Variants in COL12A1 observed in about 807,000 individuals in gnomAD.
COL12A1 encodes the protein collagen alpha-1(XII) chain.
In COL12A1, 114 loss-of-function variants were observed where a neutral mutation model predicts 349.7. That is an observed-to-expected ratio of 0.33 (90% CI 0.28 to 0.38). COL12A1 has a LOEUF of 0.38. COL12A1 is among the 10% of genes least tolerant of loss of function. COL12A1 has a pLI of 1.00. For missense variants in COL12A1, 3,284 were observed against 3,756.9 expected (o/e 0.87, Z 3.29); for synonymous variants, 1,369 against 1,329.0 (o/e 1.03, Z -0.66).
chr6:75,154,376 C>G, intron 17 of COL12A1, 40 bp downstream of exon 17: 2 of 1,596,494 alleles, frequency 1.3e-6, no homozygotes, highest in Middle Eastern at 1.7e-4. Flanking sequence ...AAATAGTTTC[C>G]TAAGTTGTTT....
chr6:75,114,608 T>C (rs1028273359), intron 49 of COL12A1, among the ~76,000 whole-genome samples: 1 of 152,068 alleles, frequency 6.6e-6, no homozygotes, highest in South Asian at 2.1e-4. Flanking sequence ...TATTCCTCCA[T>C]GAATTTTGAT....
At position 75,142,006 on chromosome 6, in the gene COL12A1, A is replaced by T. The variant is rs753104952; in HGVS notation, c.4957+26T>A. The T allele has an allele frequency of 3.1e-6, 5 of 1,613,400 alleles. No homozygotes were observed. In the Admixed American group the frequency reaches 8.3e-5, roughly 27 times the overall value. On this transcript the variant is annotated intron_variant, in intron 27 of 65. Coordinates refer to ENST00000322507, the MANE Select transcript of COL12A1 (RefSeq NM_004370.6). ...TGCATGTAAAGTGTTGTTTCCCATT[A>T]TCAGTGGAGCAGGAGCACAACTCAC...
chr6:75,146,419 G>T, intron 23 of COL12A1, 175 bp from the exon 24 acceptor site: 1 of 570,554 alleles, frequency 1.8e-6, no homozygotes, highest in Non-Finnish European at 2.7e-6. Context: ...AATTTACATT[G>T]CTCATTGCAC....
chr6:75,180,304 T>C (rs1393619672), intron 11 of COL12A1, among the ~76,000 whole-genome samples: 1 of 152,174 alleles, frequency 6.6e-6, no homozygotes, highest in Non-Finnish European at 1.5e-5. Context: ...GTTAGAGTAA[T>C]CAAATTCCTA....
At chr6:75,110,417 T>C (rs1768778628) in intron 51 of COL12A1, among the ~76,000 whole-genome samples, 1 of 152,032 alleles carries the variant, frequency 6.6e-6, no homozygotes, top group East Asian at 1.9e-4. Flanking sequence ...TTCAGTGTGT[T>C]TTACTGCAGT....
At chr6:75,177,638 C>G in intron 12 of COL12A1, 25 bp downstream of exon 12, 1 of 1,613,862 alleles carries the variant, frequency 6.2e-7, no homozygotes, top group Non-Finnish European at 8.5e-7. Context: ...TGGTTGTCAC[C>G]ATATGATAAG....
At chr6:75,114,256 A>G (rs1768972070) in intron 49 of COL12A1, among the ~76,000 whole-genome samples, 2 of 151,910 alleles carry the variant, frequency 1.3e-5, no homozygotes, top group South Asian at 4.1e-4. Context: ...TACTTTTTAC[A>G]CTTCCAAATT....
At chr6:75,143,154 G>A (rs1370234697) in intron 26 of COL12A1, 98 bp downstream of exon 26, 2 of 1,370,788 alleles carry the variant, frequency 1.5e-6, no homozygotes, top group Non-Finnish European at 2.0e-6. Context: ...AAAGTGACAA[G>A]TATTCAAAAC....
At chr6:75,105,520 G>A (rs1007789151) in intron 53 of COL12A1, among the ~76,000 whole-genome samples, 2 of 152,092 alleles carry the variant, frequency 1.3e-5, no homozygotes, top group African/African-American at 4.8e-5. Context: ...CAAGACCACT[G>A]AGATCTCTGG....
chr6:75,159,219 C>T (rs1462752972), intron 14 of COL12A1, among the ~76,000 whole-genome samples: 2 of 151,376 alleles, frequency 1.3e-5, no homozygotes, highest in East Asian at 3.9e-4. Context: ...ATGAATTATG[C>T]TTCTGAGAGA....
chr6:75,205,001 G>T (rs1770710448), intron 1 of COL12A1, among the ~76,000 whole-genome samples: 1 of 152,016 alleles, frequency 6.6e-6, no homozygotes, highest in Admixed American at 6.6e-5. Context: ...GAGGTCGCCC[G>T]CTTGGGGGTA....
rs1767517495 is a variant in COL12A1, at chr6:75,152,001, T to C, written c.3866A>G (p.Asn1289Ser). ...GMALNFIRQQ[N>S]FRTQAGMRPR... ...TCTCATGCCAGCTTGGGTCCTGAAG[T>C]TCTGTTGGCGAATGAAATTCAAAGC... Residue 1289 changes from asparagine (N) to serine (S), a missense_variant, in exon 20 of 66, where the codon AAC becomes AGC. Physicochemically the swap from Asn to Ser is conservative, Grantham distance 46. This residue lies in a region of COL12A1 where 2,601 missense variants were observed against 2,824.8 expected (regional missense o/e 0.92). Coordinates refer to ENST00000322507, the MANE Select transcript of COL12A1 (RefSeq NM_004370.6). The C allele has an allele frequency of 3.1e-6, 5 of 1,613,818 alleles. No homozygotes were observed. Among genetic ancestry groups the C allele is most frequent in the African/African-American group, 1.3e-5 (1 of 75,006 alleles).
chr6:75,188,670 T>C lies in COL12A1; in HGVS notation c.824-135A>G, dbSNP rs1388524590. 4.0e-6 allele frequency: 4 copies of C among 992,026 alleles called. No individual in the cohort carries two copies. In the East Asian group the frequency reaches 7.6e-5, roughly 19 times the overall value. 61.5% of individuals were successfully genotyped at this position (992,026 alleles called of 1,614,324 possible). ...ATTAAGTCATAAGCCAGAATTGCTT[T>C]GTTTCATAACAGTTGCACATGCAAC... On this transcript the variant is annotated intron_variant, in intron 7 of 65. Coordinates refer to ENST00000322507, the MANE Select transcript of COL12A1 (RefSeq NM_004370.6).
At chr6:75,189,917 A>T in intron 5 of COL12A1, 102 bp from the exon 6 acceptor site, 1 of 1,225,974 alleles carries the variant, frequency 8.2e-7, no homozygotes, top group African/African-American at 1.5e-5. Context: ...CATTCTGTTC[A>T]TTAGAACATA....
At chr6:75,142,835 T>C (rs1766976405) in intron 26 of COL12A1, among the ~76,000 whole-genome samples, 1 of 152,216 alleles carries the variant, frequency 6.6e-6, no homozygotes, top group Admixed American at 6.5e-5. Flanking sequence ...TTTCTCTGTG[T>C]CCTTCTCTAG....
In COL12A1 at chr6:75,133,297, C is replaced by T; in HGVS notation, c.5790G>A (p.Arg1930=). 6.3e-7 allele frequency: 1 copy of T among 1,583,056 alleles called. No individual in the cohort carries two copies. The highest frequency in any genetic ancestry group is 1.8e-5 in the Admixed American group (1 of 55,452). The change falls in exon 34 of 66, where the codon AGG becomes AGA. Residue 1930 remains arginine (R), a synonymous_variant. Coordinates refer to ENST00000322507, the MANE Select transcript of COL12A1 (RefSeq NM_004370.6). ...GDGGRTSDTG[R]TLMRGLARNV... The stretch of plus-strand genomic sequence containing the variant: ...TTTTTTGGCTTTATTACTTACATGT[C>T]CTTCCAGTATCTGATGTGCGTCCCC...
chr6:75,116,513 C>A (rs1365291664), intron 47 of COL12A1, among the ~76,000 whole-genome samples: 1 of 152,006 alleles, frequency 6.6e-6, no homozygotes, highest in African/African-American at 2.4e-5. Flanking sequence ...TGCTCTGGAC[C>A]CCTCAGAGCT....
chr6:75,155,907 GT>G, intron 15 of COL12A1, 53 bp from the exon 16 acceptor site: 1 of 1,519,728 alleles, frequency 6.6e-7, no homozygotes. Flanking sequence ...AGGCTTTGGG[GT>G]TTCTTTTTTA....
intron 27 of COL12A1, among the ~76,000 whole-genome samples, chr6:75,139,650 C>A (rs1766795706): frequency 6.6e-6 from 1 of 152,158 alleles, no homozygotes; most frequent in African/African-American, 2.4e-5. Context: ...AATATTGCCA[C>A]AGGAAAGGAA....
Sources: allele counts gnomAD v4.1 joint callset (sites outside exome capture counted in the v4.1 genomes callset), GRCh38; gene constraint gnomAD v4.1.1; regional missense constraint gnomAD v4.1.1; transcripts MANE v1.5; gene names NCBI Gene and HGNC (gene_info 2026-07-23, HGNC 2026-07-21).